The following GABBR2 variants were observed in gnomAD, a reference collection of about 807,000 sequenced individuals.
GABBR2 encodes G-protein coupled receptor 51.
Under a neutral mutation model 105.6 loss-of-function variants are expected in GABBR2, and 23 were observed. The observed-to-expected ratio is 0.22, with a 90% CI of 0.16 to 0.31. The LOEUF is 0.31. Ranked by LOEUF, GABBR2 falls within the 10% of genes least tolerant of loss-of-function variation. The pLI, the probability that GABBR2 is intolerant of heterozygous loss-of-function variation, is 1.00. For synonymous variants in GABBR2, 478 were observed against 499.7 expected (o/e 0.96, Z 0.58); for missense variants, 734 against 1,245.5 (o/e 0.59, Z 6.18).
chr9:98,412,577 TTTTTCTCTGACCTTCTCC>T (rs1832609725), intron 7 of GABBR2, among the ~76,000 whole-genome samples: 1 of 152,044 alleles, frequency 6.6e-6, no homozygotes, highest in African/African-American at 2.4e-5. Flanking sequence ...GAAGCCAAAG[TTTTTCTCTGACCTTCTCC>T]TGGCCTCCTG....
intron 4 of GABBR2, among the ~76,000 whole-genome samples, chr9:98,494,433 T>G (rs367850690): frequency 1.7e-4 from 26 of 152,300 alleles, no homozygotes; most frequent in African/African-American, 6.0e-4. Flanking sequence ...GGGGAGCCTT[T>G]GCCAACAGAT....
intron 18 of GABBR2, among the ~76,000 whole-genome samples, chr9:98,292,671 A>G (rs1830319895): frequency 6.6e-6 from 1 of 152,218 alleles, no homozygotes; most frequent in African/African-American, 2.4e-5. Flanking sequence ...ACAAAAAGGG[A>G]AGAATAAACT....
At chr9:98,531,159 C>T (rs1235306295) in intron 3 of GABBR2, among the ~76,000 whole-genome samples, 2 of 152,162 alleles carry the variant, frequency 1.3e-5, no homozygotes, top group Non-Finnish European at 2.9e-5. Flanking sequence ...ATATCACATG[C>T]CCTCTTGAGC....
intron 7 of GABBR2, among the ~76,000 whole-genome samples, chr9:98,428,551 CAG>C (rs1286741575): frequency 6.6e-6 from 1 of 152,178 alleles, no homozygotes; most frequent in Non-Finnish European, 1.5e-5. Flanking sequence ...AGAGACAACA[CAG>C]AGAGACCCAC....
In GABBR2 at chr9:98,311,204, G is replaced by C; in HGVS notation, c.1895C>G (p.Pro632Arg). Residue 632 changes from proline (P) to arginine (R), a missense_variant and splice_region_variant, in exon 14 of 19, where the codon CCG becomes CGG. Coordinates refer to ENST00000259455, the MANE Select transcript of GABBR2 (RefSeq NM_005458.8). Reference protein sequence around the residue: ...RRTVEKYSMEPDPAGRDISIR... With the variant: ...RRTVEKYSMERDPAGRDISIR... ...GGAGATATCCCGTCCTGCTGGGTCCGGCTGTGCAAAGAGAAAACAGAGACT... is the reference window on the plus strand; with the variant it reads ...GGAGATATCCCGTCCTGCTGGGTCCCGCTGTGCAAAGAGAAAACAGAGACT... The C allele has an allele frequency of 6.2e-7, 1 of 1,605,456 alleles. No individual in the cohort carries two copies. The highest frequency in any genetic ancestry group is 8.5e-7 in the Non-Finnish European group (1 of 1,172,212).
At chr9:98,475,360 AAAAG>A (rs1564084518) in intron 5 of GABBR2, among the ~76,000 whole-genome samples, 2,081 of 148,490 alleles carry the variant, frequency 0.014, 51 homozygotes, top group African/African-American at 0.052. Flanking sequence ...AAAAAAAAAG[AAAAG>A]AAAAGAAAAG....
At chr9:98,667,633 A>G (rs939840892) in intron 1 of GABBR2, among the ~76,000 whole-genome samples, 2 of 152,132 alleles carry the variant, frequency 1.3e-5, no homozygotes, top group South Asian at 2.1e-4. Context: ...CTCTGCTGCA[A>G]CTGTGTGCTG....
chr9:98,527,078 G>A (rs1827976024), intron 3 of GABBR2, among the ~76,000 whole-genome samples: 1 of 147,756 alleles, frequency 6.8e-6, no homozygotes, highest in South Asian at 2.1e-4. Flanking sequence ...TTATTCATAT[G>A]TTAATAATAT....
chr9:98,448,325 C>T (rs1409111785), intron 7 of GABBR2, among the ~76,000 whole-genome samples: 4 of 152,112 alleles, frequency 2.6e-5, no homozygotes, highest in African/African-American at 4.8e-5. Flanking sequence ...GTCAAATGCT[C>T]TTGACACCTA....
At chr9:98,524,735 AC>A (rs1458158603) in intron 3 of GABBR2, among the ~76,000 whole-genome samples, 4 of 152,036 alleles carry the variant, frequency 2.6e-5, no homozygotes, top group African/African-American at 9.7e-5. Flanking sequence ...GTTGATTTTC[AC>A]TATCTAGTTC....
chr9:98,669,118 G>T (rs1451176851), intron 1 of GABBR2, among the ~76,000 whole-genome samples: 1 of 152,142 alleles, frequency 6.6e-6, no homozygotes, highest in Non-Finnish European at 1.5e-5. Context: ...TTGAGGAACT[G>T]CCATATTGTT....
At chr9:98,423,745 C>T (rs1206909344) in intron 7 of GABBR2, among the ~76,000 whole-genome samples, 3 of 151,506 alleles carry the variant, frequency 2.0e-5, no homozygotes, top group Non-Finnish European at 3.0e-5. Flanking sequence ...TTAGGTGTAA[C>T]GTTTAAGTCT....
intron 1 of GABBR2, among the ~76,000 whole-genome samples, chr9:98,666,762 A>C (rs1201567222): frequency 6.6e-6 from 1 of 152,162 alleles, no homozygotes; most frequent in Non-Finnish European, 1.5e-5. Flanking sequence ...CAGAGAGGGA[A>C]GGCTTTCCAT....
At chr9:98,682,366 C>CTTT (rs58885676) in intron 1 of GABBR2, among the ~76,000 whole-genome samples, 8 of 52,260 alleles carry the variant, frequency 1.5e-4, no homozygotes, top group East Asian at 6.8e-4. Flanking sequence ...ATTTTACCAT[C>CTTT]TTTTTTTTTT....
chr9:98,384,146 C>T (rs1309980238), intron 11 of GABBR2, among the ~76,000 whole-genome samples: 1 of 152,182 alleles, frequency 6.6e-6, no homozygotes, highest in Non-Finnish European at 1.5e-5. Flanking sequence ...AGGCAGGGGA[C>T]TGGATGAATT....
intron 8 of GABBR2, among the ~76,000 whole-genome samples, chr9:98,396,207 G>T (rs542722189): frequency 7.2e-5 from 11 of 152,332 alleles, no homozygotes; most frequent in African/African-American, 2.2e-4. Flanking sequence ...CAAAGAGGAG[G>T]ATTGTCCACC....
In GABBR2 at chr9:98,607,929, T is replaced by C. The variant is rs149751478; in HGVS notation, c.322-29857A>G. 708 of 1,437,252 alleles carry C rather than the reference T, an allele frequency of 4.9e-4. 1 individual carries two copies. Among genetic ancestry groups the C allele is most frequent in the African/African-American group, 3.6e-3 (257 of 70,844 alleles). The allele number at this position is 1,437,252 out of a possible 1,614,324, so 89.0% of individuals were successfully genotyped here. A position where few individuals can be genotyped will look rare whatever the true frequency, so the allele number is the denominator to read the frequency against. On this transcript the variant is annotated intron_variant, in intron 1 of 18. Transcript: ENST00000259455. ...TTGAGATGAAGGTCAAAGAAAAAGT[T>C]CAAAACTGAAGAACTCTGAAGCTGA...
intron 1 of GABBR2, among the ~76,000 whole-genome samples, chr9:98,695,418 C>T (rs1249067401): frequency 2.0e-5 from 3 of 152,160 alleles, no homozygotes; most frequent in African/African-American, 7.2e-5. Context: ...GTGGATGGTT[C>T]ACCACTGAGC....
At chr9:98,558,865 T>A (rs780469778) in intron 2 of GABBR2, among the ~76,000 whole-genome samples, 25 of 152,236 alleles carry the variant, frequency 1.6e-4, no homozygotes, top group Non-Finnish European at 3.1e-4. Context: ...ATAGGGTATC[T>A]CCAGGGATCT....
Sources: gnomAD v4.1 joint callset for allele counts (sites outside exome capture counted in the v4.1 genomes callset) on GRCh38, gnomAD v4.1.1 for gene constraint, MANE v1.5 for transcripts, NCBI Gene and HGNC (gene_info 2026-07-23, HGNC 2026-07-21) for gene names.